Variants in DLGAP1 observed in about 807,000 individuals in gnomAD.
DLGAP1 encodes the protein disks large-associated protein 1.
In DLGAP1, 11 loss-of-function variants were observed where a neutral mutation model predicts 90.8. The ratio of observed to expected loss-of-function variants is 0.12; its 90% CI spans 0.08 to 0.20. The LOEUF (loss-of-function observed/expected upper bound fraction) is 0.20, where lower values mean the gene tolerates loss of function less well. Ranked by LOEUF, DLGAP1 falls within the 10% of genes least tolerant of loss-of-function variation. The pLI, the probability that DLGAP1 is intolerant of heterozygous loss-of-function variation, is 1.00. For synonymous variants in DLGAP1, 558 were observed against 540.7 expected (o/e 1.03, Z -0.44); for missense variants, 1,050 against 1,333.8 (o/e 0.79, Z 3.31).
chr18:3,731,326 T>C (rs1038271999), intron 6 of DLGAP1, among the ~76,000 whole-genome samples: 2 of 152,138 alleles, frequency 1.3e-5, no homozygotes, highest in African/African-American at 4.8e-5. Context: ...GATAAGTATA[T>C]ATGTCCCCTC....
intron 1 of DLGAP1, among the ~76,000 whole-genome samples, chr18:4,283,484 C>CAT (rs1265237476): frequency 4.6e-5 from 7 of 151,980 alleles, no homozygotes; most frequent in Non-Finnish European, 7.4e-5. Flanking sequence ...GTAAGATATA[C>CAT]ATATATATAT....
At chr18:4,035,596 T>C (rs1432539371) in intron 2 of DLGAP1, among the ~76,000 whole-genome samples, 2 of 152,172 alleles carry the variant, frequency 1.3e-5, no homozygotes, top group Admixed American at 6.5e-5. Flanking sequence ...ATCGTATACC[T>C]TTACTTCTCT....
intron 2 of DLGAP1, among the ~76,000 whole-genome samples, chr18:4,045,187 C>T (rs16945933): frequency 0.18 from 27,504 of 151,686 alleles, 3,385 homozygotes; most frequent in African/African-American, 0.35. Context: ...CCTGCACTGT[C>T]CCTCGACTTT....
At chr18:3,546,976 TAA>T (rs55943266) in intron 9 of DLGAP1, among the ~76,000 whole-genome samples, 31,600 of 149,644 alleles carry the variant, frequency 0.21, 3,843 homozygotes, top group East Asian at 0.36. Flanking sequence ...AGCAGACAGA[TAA>T]AAAAAAAAAA....
chr18:4,288,648 G>A (rs1376582285), intron 1 of DLGAP1, among the ~76,000 whole-genome samples: 3 of 151,924 alleles, frequency 2.0e-5, no homozygotes, highest in Non-Finnish European at 2.9e-5. Flanking sequence ...CACAGCTCTC[G>A]CAGGGGGAAA....
At chr18:3,747,307 G>A (rs1390922917) in intron 5 of DLGAP1, among the ~76,000 whole-genome samples, 3 of 152,158 alleles carry the variant, frequency 2.0e-5, no homozygotes, top group Non-Finnish European at 4.4e-5. Context: ...CATGTGTTAC[G>A]TGCTATTATG....
chr18:4,077,247 G>T (rs56927764), intron 2 of DLGAP1, among the ~76,000 whole-genome samples: 1 of 152,142 alleles, frequency 6.6e-6, no homozygotes, highest in African/African-American at 2.4e-5. Flanking sequence ...TTTAAAAGGT[G>T]TTAACTCTAA....
intron 5 of DLGAP1, among the ~76,000 whole-genome samples, chr18:3,785,534 G>A (rs953451355): frequency 1.3e-5 from 2 of 152,180 alleles, no homozygotes; most frequent in Admixed American, 1.3e-4. Context: ...GGGGACATGG[G>A]GGAATGTAGA....
chr18:3,823,231 A>G (rs2067519883), intron 4 of DLGAP1, among the ~76,000 whole-genome samples: 1 of 152,186 alleles, frequency 6.6e-6, no homozygotes. Context: ...TGCTTGGCTC[A>G]GGGCAGAGGT....
chr18:3,789,503 G>A (rs914041721), intron 5 of DLGAP1, among the ~76,000 whole-genome samples: 10 of 151,830 alleles, frequency 6.6e-5, no homozygotes, highest in Non-Finnish European at 1.5e-4. Flanking sequence ...ATTGTCTAAA[G>A]AGACTATATT....
At chr18:4,312,863 A>C (rs937152192) in intron 1 of DLGAP1, among the ~76,000 whole-genome samples, 1 of 152,172 alleles carries the variant, frequency 6.6e-6, no homozygotes, top group Non-Finnish European at 1.5e-5. Flanking sequence ...GCCTTAGAAA[A>C]TTTGTTTAGG....
chr18:3,534,791 A>C (rs2096074599), intron 9 of DLGAP1, among the ~76,000 whole-genome samples, 176 bp from the exon 10 acceptor site: 1 of 150,452 alleles, frequency 6.6e-6, no homozygotes, highest in East Asian at 2.0e-4. Flanking sequence ...TCCCAGGTTC[A>C]AGCGATTCTC....
At chr18:4,325,295 C>G (rs1055135851) in intron 1 of DLGAP1, among the ~76,000 whole-genome samples, 3 of 152,068 alleles carry the variant, frequency 2.0e-5, no homozygotes, top group Admixed American at 1.3e-4. Context: ...AGTACTACAC[C>G]TAACCATGGA....
chr18:4,292,584 CT>C (rs1416236919), intron 1 of DLGAP1, among the ~76,000 whole-genome samples: 1 of 152,036 alleles, frequency 6.6e-6, no homozygotes, highest in East Asian at 1.9e-4. Flanking sequence ...AGAAAATTAT[CT>C]ATTACAAAGA....
At chr18:4,217,442 CTG>C (rs2077981322) in intron 1 of DLGAP1, among the ~76,000 whole-genome samples, 1 of 152,074 alleles carries the variant, frequency 6.6e-6, no homozygotes, top group African/African-American at 2.4e-5. Flanking sequence ...GTAAGTGACA[CTG>C]TTTTCCAAAG....
At chr18:4,155,624 T>C (rs1568424885) in intron 1 of DLGAP1, among the ~76,000 whole-genome samples, 1 of 152,204 alleles carries the variant, frequency 6.6e-6, no homozygotes, top group Non-Finnish European at 1.5e-5. Context: ...TGGGTATATG[T>C]ATATTAAAAG....
At chr18:4,287,879 A>C (rs1403346032) in intron 1 of DLGAP1, among the ~76,000 whole-genome samples, 1 of 151,768 alleles carries the variant, frequency 6.6e-6, no homozygotes, top group African/African-American at 2.4e-5. Flanking sequence ...AAATAAAATA[A>C]TAAATAATTT....
intron 7 of DLGAP1, among the ~76,000 whole-genome samples, chr18:3,591,416 G>A (rs1029043508): frequency 1.3e-5 from 2 of 152,030 alleles, no homozygotes; most frequent in South Asian, 2.1e-4. Context: ...GGCCTGTTGC[G>A]GTGGCTCATT....
At chr18:3,538,396 AAG>A (rs1491588103) in intron 9 of DLGAP1, among the ~76,000 whole-genome samples, 1 of 151,674 alleles carries the variant, frequency 6.6e-6, no homozygotes, top group East Asian at 1.9e-4. Flanking sequence ...AAGAAAGAAA[AAG>A]AAAAAAAAAA....
Sources: gnomAD v4.1 joint callset for allele counts (sites outside exome capture counted in the v4.1 genomes callset) on GRCh38, gnomAD v4.1.1 for gene constraint, MANE v1.5 for transcripts, NCBI Gene and HGNC (gene_info 2026-07-23, HGNC 2026-07-21) for gene names.